ATP6V1C2: variants seen among roughly 807,000 people sequenced by gnomAD.
ATP6V1C2 encodes ATPase H+ transporting V1 subunit C2, also known as V-type proton ATPase subunit C 2.
A neutral mutation model predicts 56.8 loss-of-function variants in ATP6V1C2; 45 were observed. The ratio of observed to expected loss-of-function variants is 0.79; its 90% CI spans 0.62 to 1.02. The LOEUF (loss-of-function observed/expected upper bound fraction) is 1.02, where lower values mean the gene tolerates loss of function less well. Among genes scored for constraint, ATP6V1C2 ranks in the 50% least tolerant of loss-of-function variants. The pLI is 0.00. For synonymous variants in ATP6V1C2, 220 were observed against 201.3 expected (o/e 1.09, Z -0.79); for missense variants, 463 against 519.7 (o/e 0.89, Z 1.06).
chr2:10,765,390 C>T (rs1664162198), intron 5 of ATP6V1C2, among the ~76,000 whole-genome samples: 1 of 152,234 alleles, frequency 6.6e-6, no homozygotes, highest in African/African-American at 2.4e-5. Context: ...ACACTGAGCC[C>T]CTAATGTGTC....
chr2:10,743,893 G>A (rs1662703457), intron 3 of ATP6V1C2, among the ~76,000 whole-genome samples: 1 of 151,644 alleles, frequency 6.6e-6, no homozygotes, highest in Admixed American at 6.6e-5. Flanking sequence ...GCTGAGGCAG[G>A]AGAATAGCTG....
chr2:10,753,879 C>T (rs953465152), intron 3 of ATP6V1C2, 102 bp from the exon 4 acceptor site: 1 of 1,073,250 alleles, frequency 9.3e-7, no homozygotes, highest in Non-Finnish European at 1.4e-6. Context: ...CAAATTATTC[C>T]CCCAAAGGGT....
Position 10,778,629 on chromosome 2 carries a change from C to G in ATP6V1C2, c.1021C>G (p.His341Asp). Reference sequence around the variant, plus strand: ...CAGTGAAGCCTTCATTGCCTGGATCCACATCAAGGCCCTGAGAGTGTTTGT... The same window carrying G: ...CAGTGAAGCCTTCATTGCCTGGATCGACATCAAGGCCCTGAGAGTGTTTGT... Reference protein sequence around the residue: ...NFSEAFIAWIHIKALRVFVES... With the variant: ...NFSEAFIAWIDIKALRVFVES... Residue 341 changes from histidine to aspartate, a missense_variant, in exon 12 of 14, where the codon CAC (histidine) becomes GAC (aspartate). Transcript: ENST00000272238. 1 of 1,614,230 alleles carries G rather than the reference C, an allele frequency of 6.2e-7. No homozygotes were observed. Among genetic ancestry groups the G allele is most frequent in the Non-Finnish European group, 8.5e-7 (1 of 1,180,030 alleles).
At chr2:10,758,090 G>C (rs962393841) in intron 4 of ATP6V1C2, among the ~76,000 whole-genome samples, 2 of 152,100 alleles carry the variant, frequency 1.3e-5, no homozygotes, top group Non-Finnish European at 2.9e-5. Context: ...GAGATTTTTT[G>C]CTGATGCTAA....
At chr2:10,754,629 G>A (rs1485878765) in intron 4 of ATP6V1C2, among the ~76,000 whole-genome samples, 2 of 150,946 alleles carry the variant, frequency 1.3e-5, no homozygotes, top group Non-Finnish European at 2.9e-5. Flanking sequence ...ATGGAATGCA[G>A]TGGCGCAATC....
At chr2:10,773,024 G>A (rs1352124386) in intron 8 of ATP6V1C2, among the ~76,000 whole-genome samples, 3 of 152,218 alleles carry the variant, frequency 2.0e-5, no homozygotes, top group South Asian at 2.1e-4. Flanking sequence ...CGTGTGGCCT[G>A]CAGGGGCCAG....
chr2:10,783,066 C>T (rs189988854), intron 13 of ATP6V1C2, 108 bp from the exon 14 acceptor site: 115 of 774,756 alleles, frequency 1.5e-4, no homozygotes, highest in African/African-American at 1.2e-3. Context: ...ACCACAGCTA[C>T]GCAGAGCAGA....
chr2:10,743,947 G>C (rs1203969481), intron 3 of ATP6V1C2, among the ~76,000 whole-genome samples: 2 of 150,000 alleles, frequency 1.3e-5, no homozygotes, highest in Non-Finnish European at 2.9e-5. Flanking sequence ...TTGTACCACT[G>C]CACCCTAGCC....
chr2:10,769,232 G>A (rs1392231012), intron 6 of ATP6V1C2, among the ~76,000 whole-genome samples: 2 of 152,214 alleles, frequency 1.3e-5, no homozygotes, highest in Non-Finnish European at 2.9e-5. Context: ...GCAGCCTCAG[G>A]GACTCAGGTG....
chr2:10,767,417 C>T (rs987350536), intron 5 of ATP6V1C2, among the ~76,000 whole-genome samples: 2 of 151,990 alleles, frequency 1.3e-5, no homozygotes, highest in African/African-American at 4.8e-5. Context: ...CCCATCTCTG[C>T]CTCTCAAAGT....
intron 5 of ATP6V1C2, among the ~76,000 whole-genome samples, chr2:10,765,338 G>T (rs1664159403): frequency 6.6e-6 from 1 of 152,214 alleles, no homozygotes; most frequent in African/African-American, 2.4e-5. Flanking sequence ...TGAGACTGAG[G>T]CTGATGGTTT....
intron 2 of ATP6V1C2, 66 bp from the exon 3 acceptor site, chr2:10,726,436 T>G: frequency 8.1e-7 from 1 of 1,231,834 alleles, no homozygotes; most frequent in Non-Finnish European, 1.2e-6. Context: ...CCCTGCCGTG[T>G]TGTTGAGATG....
intron 4 of ATP6V1C2, among the ~76,000 whole-genome samples, chr2:10,764,021 G>A (rs1181470838): frequency 6.6e-6 from 1 of 152,190 alleles, no homozygotes; most frequent in Admixed American, 6.5e-5. Context: ...ACTGAAAAAC[G>A]CACCTCCCTG....
chr2:10,747,276 GA>G (rs949461524), intron 3 of ATP6V1C2, among the ~76,000 whole-genome samples: 1 of 151,818 alleles, frequency 6.6e-6, no homozygotes, highest in African/African-American at 2.4e-5. Flanking sequence ...CTCAAAAAAA[GA>G]AAGAAAAAAA....
chr2:10,754,619 A>G (rs1488971396), intron 4 of ATP6V1C2, among the ~76,000 whole-genome samples: 1 of 149,390 alleles, frequency 6.7e-6, no homozygotes, highest in African/African-American at 2.5e-5. Context: ...GTCACCCAGG[A>G]TGGAATGCAG....
intron 12 of ATP6V1C2, among the ~76,000 whole-genome samples, 180 bp from the exon 13 acceptor site, chr2:10,782,063 T>C (rs16856628): frequency 0.022 from 3,330 of 151,638 alleles, 129 homozygotes; most frequent in African/African-American, 0.076. Context: ...GTTAGCAAAT[T>C]CTAGAGCTTT....
chr2:10,741,221 T>C (rs1345259458), intron 3 of ATP6V1C2, among the ~76,000 whole-genome samples: 2 of 152,234 alleles, frequency 1.3e-5, no homozygotes, highest in Non-Finnish European at 2.9e-5. Flanking sequence ...GGTGTGTCTG[T>C]GTCCAGAGTC....
intron 3 of ATP6V1C2, among the ~76,000 whole-genome samples, chr2:10,747,853 TTTTTTC>T (rs1000026625): frequency 2.6e-5 from 4 of 152,166 alleles, no homozygotes; most frequent in Admixed American, 6.6e-5. Flanking sequence ...TTTTGACTTT[TTTTTTC>T]TTTTTCTTTT....
intron 8 of ATP6V1C2, 108 bp from the exon 9 acceptor site, chr2:10,774,680 C>A: frequency 1.1e-6 from 1 of 895,958 alleles, no homozygotes; most frequent in Non-Finnish European, 1.8e-6. Context: ...CAGCCCTCAG[C>A]TGCTGCCATG....
Sources: allele counts gnomAD v4.1 joint callset (sites outside exome capture counted in the v4.1 genomes callset), GRCh38; gene constraint gnomAD v4.1.1; transcripts MANE v1.5; gene names NCBI Gene and HGNC (gene_info 2026-07-23, HGNC 2026-07-21).